The following LARP1B variants were observed in gnomAD, a reference collection of about 807,000 sequenced individuals.
The protein encoded by LARP1B is La ribonucleoprotein 1B.
Under a neutral mutation model 114.2 loss-of-function variants are expected in LARP1B, and 76 were observed. The ratio of observed to expected loss-of-function variants is 0.67; its 90% CI spans 0.55 to 0.81. LARP1B has a LOEUF of 0.81. Ranked by LOEUF, LARP1B falls within the 30% of genes least tolerant of loss-of-function variation. LARP1B has a pLI of 0.00. For missense variants in LARP1B, 1,014 were observed against 1,075.8 expected (o/e 0.94, Z 0.80); for synonymous variants, 345 against 348.0 (o/e 0.99, Z 0.10).
At chr4:128,113,351 C>CTTT (rs781192228) in intron 9 of LARP1B, among the ~76,000 whole-genome samples, 2 of 136,696 alleles carry the variant, frequency 1.5e-5, no homozygotes, top group African/African-American at 2.7e-5. Flanking sequence ...TTCTTTTTTT[C>CTTT]TTTTTTTTTT....
intron 18 of LARP1B, 147 bp downstream of exon 18, chr4:128,206,684 G>A: frequency 7.3e-7 from 1 of 1,375,112 alleles, no homozygotes; most frequent in East Asian, 2.7e-5. Flanking sequence ...GATGAAGGAT[G>A]GGGCACCAGG....
chr4:128,119,504 T>C (rs1333492707), intron 10 of LARP1B, among the ~76,000 whole-genome samples: 1 of 152,188 alleles, frequency 6.6e-6, no homozygotes, highest in African/African-American at 2.4e-5. Flanking sequence ...TTGGGAGCGA[T>C]CTTTATATAG....
intron 12 of LARP1B, among the ~76,000 whole-genome samples, chr4:128,162,784 A>T (rs1459716119): frequency 6.6e-6 from 1 of 152,170 alleles, no homozygotes; most frequent in Non-Finnish European, 1.5e-5. Context: ...AAAATGATTT[A>T]TAAAAAGTCA....
intron 17 of LARP1B, among the ~76,000 whole-genome samples, chr4:128,205,823 G>C (rs1270628828): frequency 4.6e-5 from 7 of 152,182 alleles, no homozygotes; most frequent in Non-Finnish European, 1.0e-4. Flanking sequence ...CTTTTGGCCA[G>C]TTCTTCAGAA....
At chr4:128,108,428 G>A (rs1782823426) in intron 9 of LARP1B, 1 of 985,670 alleles carries the variant, frequency 1.0e-6, no homozygotes, top group Admixed American at 6.2e-5. Context: ...TCACTTAAGG[G>A]GTAAGGAATT....
At chr4:128,132,963 T>TG (rs1792045802) in intron 11 of LARP1B, among the ~76,000 whole-genome samples, 1 of 152,030 alleles carries the variant, frequency 6.6e-6, no homozygotes, top group African/African-American at 2.4e-5. Context: ...TAGATTCTCA[T>TG]GAGGATCATG....
At chr4:128,204,040 TA>T (rs1307028785) in intron 17 of LARP1B, among the ~76,000 whole-genome samples, 1 of 152,242 alleles carries the variant, frequency 6.6e-6, no homozygotes, top group East Asian at 1.9e-4. Flanking sequence ...GTTGTGTTAT[TA>T]ATGTCATACT....
At chr4:128,122,452 T>C (rs1788290796) in intron 11 of LARP1B, 1 of 1,510,824 alleles carries the variant, frequency 6.6e-7, no homozygotes, top group Non-Finnish European at 8.8e-7. Flanking sequence ...TTTTTTTTTT[T>C]TGTTTTGTTT....
At chr4:128,117,696 A>G (rs1461279465) in intron 10 of LARP1B, among the ~76,000 whole-genome samples, 2 of 144,788 alleles carry the variant, frequency 1.4e-5, no homozygotes, top group South Asian at 4.6e-4. Context: ...ATTTTTGTAT[A>G]TTTAGTAGAG....
chr4:128,107,934 A>T, intron 9 of LARP1B: 1 of 1,535,530 alleles, frequency 6.5e-7, no homozygotes, highest in Non-Finnish European at 8.7e-7. Context: ...CGGAATATGC[A>T]GTGGAATAGG....
intron 1 of LARP1B, chr4:128,061,939 G>A: frequency 1.0e-6 from 1 of 985,208 alleles, no homozygotes; most frequent in Non-Finnish European, 1.2e-6. Context: ...CTGTCCCCGT[G>A]AGGCCCCTGG....
intron 9 of LARP1B, among the ~76,000 whole-genome samples, chr4:128,113,466 G>C (rs1163311196): frequency 6.7e-6 from 1 of 149,678 alleles, no homozygotes; most frequent in African/African-American, 2.5e-5. Flanking sequence ...TCATCCTCCT[G>C]AGTAGTGGGA....
intron 11 of LARP1B, among the ~76,000 whole-genome samples, chr4:128,127,962 C>A (rs1459048427): frequency 6.6e-6 from 1 of 152,118 alleles, no homozygotes; most frequent in East Asian, 1.9e-4. Flanking sequence ...AAATTCAGAG[C>A]CCAGAAATAA....
At chr4:128,177,218 A>G (rs1213213802) in intron 13 of LARP1B, among the ~76,000 whole-genome samples, 1 of 152,238 alleles carries the variant, frequency 6.6e-6, no homozygotes, top group Non-Finnish European at 1.5e-5. Flanking sequence ...CAGAATAATC[A>G]TTCTGGTAAC....
chr4:128,187,312 G>A (rs1750699330), intron 15 of LARP1B, among the ~76,000 whole-genome samples: 1 of 152,260 alleles, frequency 6.6e-6, no homozygotes, highest in African/African-American at 2.4e-5. Context: ...AAAGCCATAG[G>A]CATGGAGCTG....
At chr4:128,181,480 G>C (rs1356936679) in intron 15 of LARP1B, among the ~76,000 whole-genome samples, 2 of 151,904 alleles carry the variant, frequency 1.3e-5, no homozygotes, top group African/African-American at 4.8e-5. Flanking sequence ...GCGCCCAGCT[G>C]TCTCATCTAT....
At chr4:128,175,186 A>G (rs1420118553) in intron 12 of LARP1B, among the ~76,000 whole-genome samples, 1 of 152,154 alleles carries the variant, frequency 6.6e-6, no homozygotes, top group Middle Eastern at 3.2e-3. Context: ...TTAATGAAGT[A>G]TAAGTACAAA....
intron 11 of LARP1B, among the ~76,000 whole-genome samples, chr4:128,142,041 G>C (rs1169420790): frequency 6.6e-6 from 1 of 152,166 alleles, no homozygotes; most frequent in Non-Finnish European, 1.5e-5. Flanking sequence ...AGAAACAATA[G>C]CTTCATACTG....
At chr4:128,171,193 G>C (rs148001874) in intron 12 of LARP1B, among the ~76,000 whole-genome samples, 1 of 151,678 alleles carries the variant, frequency 6.6e-6, no homozygotes, top group South Asian at 2.1e-4. Flanking sequence ...CAGTGGTCTA[G>C]TCATGGCTCA....
Sources: allele counts gnomAD v4.1 joint callset (sites outside exome capture counted in the v4.1 genomes callset), GRCh38; gene constraint gnomAD v4.1.1; transcripts MANE v1.5; gene names NCBI Gene and HGNC (gene_info 2026-07-23, HGNC 2026-07-21).